The following EHBP1 variants were observed in gnomAD, a reference collection of about 807,000 sequenced individuals.
EHBP1 encodes EH domain binding protein 1, also known as EH domain-binding protein 1.
EHBP1 carries 55 observed loss-of-function variants against 144.0 expected under a neutral mutation model. The observed-to-expected ratio is 0.38, with a 90% confidence interval of 0.31 to 0.48. The LOEUF (loss-of-function observed/expected upper bound fraction) is 0.48, where lower values mean the gene tolerates loss of function less well. Among genes scored for constraint, EHBP1 ranks in the 20% least tolerant of loss-of-function variants. The pLI is 0.98. For missense variants in EHBP1, 1,200 were observed against 1,364.2 expected (o/e 0.88, Z 1.90); for synonymous variants, 469 against 472.7 (o/e 0.99, Z 0.10).
At chr2:62,855,811 G>A (rs1172359149) in intron 7 of EHBP1, among the ~76,000 whole-genome samples, 1 of 152,148 alleles carries the variant, frequency 6.6e-6, no homozygotes, top group East Asian at 1.9e-4. Context: ...GAGACAAACA[G>A]TTGCAAAGAG....
intron 2 of EHBP1, among the ~76,000 whole-genome samples, chr2:62,727,525 G>T (rs1488305701): frequency 2.0e-5 from 3 of 151,992 alleles, no homozygotes; most frequent in African/African-American, 7.3e-5. Context: ...TCTAATTTCT[G>T]TTCTCTCTAG....
intron 19 of EHBP1, among the ~76,000 whole-genome samples, chr2:63,027,577 T>G (rs2061034736): frequency 6.6e-6 from 1 of 152,220 alleles, no homozygotes; most frequent in African/African-American, 2.4e-5. Flanking sequence ...CCTGCTTTGC[T>G]TAGGCTTCTG....
intron 8 of EHBP1, among the ~76,000 whole-genome samples, chr2:62,861,563 G>T (rs1196208130): frequency 6.6e-6 from 1 of 151,774 alleles, no homozygotes; most frequent in East Asian, 2.0e-4. Flanking sequence ...GGCCAACATG[G>T]TGAAACCCGT....
In EHBP1 at chr2:62,959,067, C is replaced by T. The variant is rs567704602; in HGVS notation, c.2460+3407C>T. ...CTCCAGTCCCTGTCTACCACTGTTT[C>T]GCTCTTTGATTCCATGAATCCGACT... On this transcript the variant is annotated intron_variant, in intron 14 of 22. Transcript: ENST00000431489. 5.3e-5 allele frequency among the ~76,000 whole-genome samples: 8 copies of T among 152,250 alleles called. No homozygotes were observed. In the South Asian group the frequency reaches 6.2e-4, roughly 12 times the overall value.
intron 10 of EHBP1, among the ~76,000 whole-genome samples, chr2:62,899,595 C>T (rs1307630024): frequency 6.6e-6 from 1 of 152,200 alleles, no homozygotes; most frequent in East Asian, 1.9e-4. Context: ...GGACAAAGAA[C>T]ACCTGGCATT....
At chr2:63,016,500 G>A (rs2060490607) in intron 19 of EHBP1, among the ~76,000 whole-genome samples, 1 of 151,788 alleles carries the variant, frequency 6.6e-6, no homozygotes, top group South Asian at 2.1e-4. Context: ...GTGTCATCTC[G>A]GCTCCCAGCA....
chr2:62,851,432 A>G (rs1007054158), intron 7 of EHBP1, among the ~76,000 whole-genome samples: 6 of 152,164 alleles, frequency 3.9e-5, no homozygotes, highest in Admixed American at 2.6e-4. Flanking sequence ...GTCTTGTGTT[A>G]GCTCAAATGT....
At chr2:63,043,763 A>G (rs2061780997) in intron 21 of EHBP1, among the ~76,000 whole-genome samples, 1 of 151,704 alleles carries the variant, frequency 6.6e-6, no homozygotes, top group Non-Finnish European at 1.5e-5. Context: ...GTGCATTGTT[A>G]GGTTTATCTG....
intron 9 of EHBP1, among the ~76,000 whole-genome samples, chr2:62,869,579 C>G (rs1240665561): frequency 6.6e-6 from 1 of 152,058 alleles, no homozygotes; most frequent in Non-Finnish European, 1.5e-5. Flanking sequence ...TGCAAACAAT[C>G]TATAGTGAGA....
rs1331627271 is a variant in EHBP1, at chr2:63,036,019, A to G, written c.3104-1516A>G. On this transcript the variant is annotated intron_variant, in intron 19 of 22. Coordinates refer to ENST00000431489, the MANE Select transcript of EHBP1 (RefSeq NM_001142616.3). ...GCTTCGTACCATTAGTTTTAACAGC[A>G]TTGAATGAAGGCATATATTCTCAAC... 5.3e-5 allele frequency among the ~76,000 whole-genome samples: 8 copies of G among 152,190 alleles called. No individual in the cohort carries two copies. The South Asian group carries it at 1.4e-3, about 28-fold the overall frequency.
chr2:62,723,010 T>A (rs2036386790), intron 2 of EHBP1, among the ~76,000 whole-genome samples: 1 of 152,214 alleles, frequency 6.6e-6, no homozygotes. Context: ...GTTCTGTAGA[T>A]GTCTATGAGG....
chr2:62,711,081 T>TAA (rs2035101499), intron 2 of EHBP1, among the ~76,000 whole-genome samples: 1 of 152,172 alleles, frequency 6.6e-6, no homozygotes. Flanking sequence ...GGATACCAGC[T>TAA]AATAGGCTGT....
At chr2:62,749,770 A>G (rs1277661541) in intron 3 of EHBP1, among the ~76,000 whole-genome samples, 2 of 152,174 alleles carry the variant, frequency 1.3e-5, no homozygotes, top group African/African-American at 4.8e-5. Flanking sequence ...TTTTGGCTGC[A>G]TAAATGTCTT....
intron 5 of EHBP1, among the ~76,000 whole-genome samples, chr2:62,821,558 T>G (rs1457863650): frequency 6.6e-6 from 1 of 152,080 alleles, no homozygotes. Flanking sequence ...GTGGGTGGTG[T>G]AGTCCCAGCT....
At chr2:62,939,810 GATTAAT>G (rs1191586866) in intron 10 of EHBP1, 1 of 167,988 alleles carries the variant, frequency 6.0e-6, no homozygotes. Flanking sequence ...ACAACAAAGA[GATTAAT>G]ATGATGCCAT....
chr2:62,858,320 T>C (rs2049234653), intron 7 of EHBP1: 2 of 804,304 alleles, frequency 2.5e-6, no homozygotes, highest in African/African-American at 3.4e-5. Context: ...ATCTCCTCTT[T>C]GTCTTTTTGG....
chr2:62,730,692 G>C (rs144888589), intron 2 of EHBP1, among the ~76,000 whole-genome samples: 2 of 150,626 alleles, frequency 1.3e-5, no homozygotes, highest in East Asian at 4.0e-4. Flanking sequence ...AGGACAGAGA[G>C]AGACAGACAG....
intron 3 of EHBP1, among the ~76,000 whole-genome samples, chr2:62,758,622 G>T (rs1002286172): frequency 6.6e-6 from 1 of 152,218 alleles, no homozygotes; most frequent in African/African-American, 2.4e-5. Flanking sequence ...TTATGGCAGA[G>T]TAGTTATGTT....
intron 19 of EHBP1, among the ~76,000 whole-genome samples, chr2:63,022,964 A>G (rs942230740): frequency 1.8e-4 from 28 of 152,136 alleles, no homozygotes; most frequent in Non-Finnish European, 3.5e-4. Context: ...ACCTGAGGTC[A>G]GGAATTCGAG....
Sources: allele counts gnomAD v4.1 joint callset (sites outside exome capture counted in the v4.1 genomes callset), GRCh38; gene constraint gnomAD v4.1.1; transcripts MANE v1.5; gene names NCBI Gene and HGNC (gene_info 2026-07-23, HGNC 2026-07-21).